The following FBXL7 variants were observed in gnomAD, a reference collection of about 807,000 sequenced individuals.
The protein encoded by FBXL7 is F-box/LRR-repeat protein 7.
FBXL7 carries 12 observed loss-of-function variants against 38.3 expected under a neutral mutation model. The observed-to-expected ratio is 0.31, with a 90% CI of 0.20 to 0.51. FBXL7 has a LOEUF of 0.51. Among genes scored for constraint, FBXL7 ranks in the 20% least tolerant of loss-of-function variants. FBXL7 has a pLI of 0.98. For missense variants in FBXL7, 567 were observed against 676.4 expected, an observed-to-expected ratio of 0.84 and a Z score of 1.79; for synonymous variants, 297 against 300.9, an observed-to-expected ratio of 0.99 and a Z score of 0.13.
intron 1 of FBXL7, among the ~76,000 whole-genome samples, chr5:15,536,993 A>T (rs1403071435): frequency 6.6e-6 from 1 of 152,126 alleles, no homozygotes; most frequent in Non-Finnish European, 1.5e-5. Flanking sequence ...AGTTCTTGTG[A>T]GATCTGATGG....
chr5:15,547,252 C>A (rs1483481768), intron 1 of FBXL7, among the ~76,000 whole-genome samples: 1 of 152,174 alleles, frequency 6.6e-6, no homozygotes, highest in African/African-American at 2.4e-5. Flanking sequence ...CTTGGGGATA[C>A]CCCCTAAGTG....
chr5:15,536,706 G>A (rs1737596101), intron 1 of FBXL7, among the ~76,000 whole-genome samples: 1 of 152,188 alleles, frequency 6.6e-6, no homozygotes. Context: ...GAAGGGACTT[G>A]CCTTGGCTCA....
chr5:15,591,211 C>T (rs937492066), intron 1 of FBXL7, among the ~76,000 whole-genome samples: 4 of 151,962 alleles, frequency 2.6e-5, no homozygotes, highest in Admixed American at 6.6e-5. Flanking sequence ...GGGTGGATCA[C>T]GAGGTCAGGA....
At chr5:15,892,036 C>T (rs1263088282) in intron 2 of FBXL7, among the ~76,000 whole-genome samples, 1 of 152,256 alleles carries the variant, frequency 6.6e-6, no homozygotes, top group Non-Finnish European at 1.5e-5. Context: ...GCTCACCAGC[C>T]TCCTGCCAGT....
chr5:15,501,135 C>T (rs1736474995), intron 1 of FBXL7, among the ~76,000 whole-genome samples: 1 of 152,138 alleles, frequency 6.6e-6, no homozygotes, highest in Non-Finnish European at 1.5e-5. Flanking sequence ...GCAGAAAAAA[C>T]TTCTGGAAGG....
intron 2 of FBXL7, among the ~76,000 whole-genome samples, chr5:15,821,860 T>C (rs1370800134): frequency 4.6e-5 from 7 of 152,134 alleles, no homozygotes; most frequent in Non-Finnish European, 1.0e-4. Flanking sequence ...ATTTCCCCCT[T>C]ATCCTTATGG....
At chr5:15,933,067 A>C (rs1014524693) in intron 3 of FBXL7, among the ~76,000 whole-genome samples, 4 of 152,168 alleles carry the variant, frequency 2.6e-5, no homozygotes, top group Non-Finnish European at 4.4e-5. Flanking sequence ...ATGATTTCTA[A>C]GGTTCTCTCC....
At chr5:15,892,286 CAGGTGGTTG>C (rs1452890155) in intron 2 of FBXL7, among the ~76,000 whole-genome samples, 1 of 152,206 alleles carries the variant, frequency 6.6e-6, no homozygotes, top group East Asian at 1.9e-4. Context: ...TGTAGAAAGC[CAGGTGGTTG>C]ACACACGGTA....
intron 1 of FBXL7, among the ~76,000 whole-genome samples, chr5:15,606,589 A>C (rs923583242): frequency 6.6e-6 from 1 of 152,224 alleles, no homozygotes; most frequent in African/African-American, 2.4e-5. Context: ...TACTCGTTAG[A>C]ACATTCAGTG....
chr5:15,538,341 C>G (rs557663688), intron 1 of FBXL7, among the ~76,000 whole-genome samples: 1 of 152,122 alleles, frequency 6.6e-6, no homozygotes, highest in East Asian at 1.9e-4. Flanking sequence ...TTAACTGATA[C>G]GATACTATTC....
intron 2 of FBXL7, among the ~76,000 whole-genome samples, chr5:15,927,209 CTG>C (rs1741898015): frequency 6.6e-6 from 1 of 152,118 alleles, no homozygotes; most frequent in African/African-American, 2.4e-5. Flanking sequence ...TGTTTACACT[CTG>C]TTTGTGGTAG....
At position 15,698,339 on chromosome 5, in the gene FBXL7, A is replaced by G. The variant is rs182472568; in HGVS notation, c.127+82267A>G. Among the ~76,000 whole-genome samples the G allele has an allele frequency of 2.6e-3, 392 of 152,348 alleles. 4 individuals carry two copies. Among genetic ancestry groups the G allele is most frequent in the African/African-American group, 8.9e-3 (372 of 41,580 alleles). On this transcript the variant is annotated intron_variant, in intron 2 of 3. Coordinates refer to ENST00000504595, the MANE Select transcript of FBXL7 (RefSeq NM_012304.5). The stretch of plus-strand genomic sequence containing the variant: ...GAGTTTACTAAGTTGCATACAAATT[A>G]AGCATATGCATGTGGGCATTGGAGG...
intron 2 of FBXL7, among the ~76,000 whole-genome samples, chr5:15,896,841 C>T (rs765254917): frequency 1.3e-5 from 2 of 151,876 alleles, no homozygotes; most frequent in Non-Finnish European, 2.9e-5. Flanking sequence ...TTTTACAATA[C>T]GTAATAGGAT....
chr5:15,657,794 C>T (rs565388636), intron 2 of FBXL7, among the ~76,000 whole-genome samples: 10 of 151,712 alleles, frequency 6.6e-5, no homozygotes, highest in South Asian at 4.2e-4. Flanking sequence ...GCCGAGATCA[C>T]GGCATTGCAC....
At chr5:15,923,191 A>G (rs1008454092) in intron 2 of FBXL7, among the ~76,000 whole-genome samples, 3 of 152,222 alleles carry the variant, frequency 2.0e-5, no homozygotes, top group African/African-American at 7.2e-5. Flanking sequence ...TTCTACTCTC[A>G]GAAGAATCAG....
chr5:15,749,490 G>A (rs1271669675), intron 2 of FBXL7, among the ~76,000 whole-genome samples: 1 of 151,790 alleles, frequency 6.6e-6, no homozygotes, highest in Admixed American at 6.6e-5. Context: ...AGCCAGGCGT[G>A]GTTGCGGGCG....
chr5:15,764,307 T>C (rs1295897238), intron 2 of FBXL7, among the ~76,000 whole-genome samples: 1 of 152,250 alleles, frequency 6.6e-6, no homozygotes, highest in African/African-American at 2.4e-5. Context: ...AAGATACTAT[T>C]ACTATTTGAA....
intron 1 of FBXL7, among the ~76,000 whole-genome samples, chr5:15,529,846 T>C (rs1035945154): frequency 6.6e-5 from 10 of 152,210 alleles, no homozygotes; most frequent in African/African-American, 2.4e-4. Context: ...GTATATACTC[T>C]CGTTGCCTAC....
intron 2 of FBXL7, among the ~76,000 whole-genome samples, chr5:15,924,520 A>G (rs781378835): frequency 1.1e-4 from 16 of 151,968 alleles, no homozygotes; most frequent in Non-Finnish European, 1.6e-4. Context: ...ATGCTAGCTC[A>G]TGCATCTGTG....
Sources: gnomAD v4.1 joint callset for allele counts (sites outside exome capture counted in the v4.1 genomes callset) on GRCh38, gnomAD v4.1.1 for gene constraint, MANE v1.5 for transcripts, NCBI Gene and HGNC (gene_info 2026-07-23, HGNC 2026-07-21) for gene names.